Variants in RP1L1 observed in about 807,000 individuals in gnomAD.
The protein encoded by RP1L1 is RP1 like 1.
Under a neutral mutation model 15.7 loss-of-function variants are expected in RP1L1, and 27 were observed. The ratio of observed to expected loss-of-function variants is 1.72; its 90% CI spans 1.27 to 2.38. The LOEUF (loss-of-function observed/expected upper bound fraction) is 2.38, where lower values mean the gene tolerates loss of function less well. Among genes scored for constraint, RP1L1 ranks in the 30% most tolerant of loss-of-function variants. The pLI, the probability that RP1L1 is intolerant of heterozygous loss-of-function variation, is 0.00. For missense variants in RP1L1, 4,798 were observed against 3,075.9 expected (o/e 1.56, Z -13.24); for synonymous variants, 1,813 against 1,276.7 (o/e 1.42, Z -8.96).
intron 1 of RP1L1, among the ~76,000 whole-genome samples, chr8:10,652,267 A>C (rs1798573827): frequency 6.6e-6 from 1 of 152,240 alleles, no homozygotes; most frequent in African/African-American, 2.4e-5. Context: ...ATCAAGAAGC[A>C]GGGACTGTAA....
Position 10,606,770 on chromosome 8 carries a change from G to C in RP1L1, c.*125C>G. 6.6e-7 allele frequency: 1 copy of C among 1,514,316 alleles called. No individual in the cohort carries two copies. The allele number at this position is 1,514,316 out of a possible 1,614,324, so 93.8% of individuals were successfully genotyped here. ...ATGGCATGGGCTGTGTCCTTGGCAA[G>C]TCCTTGGTCTTTGTCCATGTACTAT... is the stretch of plus-strand genomic sequence containing the variant. On this transcript the variant is annotated 3_prime_UTR_variant, in exon 4 of 4. Coordinates refer to ENST00000382483, the MANE Select transcript of RP1L1 (RefSeq NM_178857.6).
In RP1L1 at chr8:10,610,823, G is replaced by A. The variant is rs1797833833; in HGVS notation, c.3275C>T (p.Ser1092Phe). The change falls in exon 4 of 4, where the codon TCC (serine) becomes TTC (phenylalanine). Residue 1092 changes from serine to phenylalanine, a missense_variant. Physicochemically the swap from Ser to Phe is radical, Grantham distance 155 (BLOSUM62 -2). Transcript: ENST00000382483. ...STQIMRALMG[S>F]KQGRPSSVPE... is the part of the protein sequence containing the mutation. The stretch of plus-strand genomic sequence containing the variant: ...CACGCTGCTGGGCCGGCCCTGCTTG[G>A]AGCCCATCAGCGCCCTCATGATCTG... 1 of 1,607,946 alleles carries A rather than the reference G, an allele frequency of 6.2e-7. No individual in the cohort carries two copies. The highest frequency in any genetic ancestry group is 8.5e-7 in the Non-Finnish European group (1 of 1,176,292).
At chr8:10,646,648 C>G (rs1177245128) in intron 1 of RP1L1, among the ~76,000 whole-genome samples, 1 of 152,060 alleles carries the variant, frequency 6.6e-6, no homozygotes, top group Non-Finnish European at 1.5e-5. Context: ...GCCAGCCCCT[C>G]TAAAGTCCAG....
In RP1L1 at chr8:10,610,104, G is replaced by A. The variant is rs1178045438; in HGVS notation, c.3994C>T (p.Gln1332Ter). Residue 1332 changes from glutamine to a stop codon, truncating the protein, a stop_gained, in exon 4 of 4, where the codon CAA (glutamine) becomes TAA (stop). Coordinates refer to ENST00000382483, the MANE Select transcript of RP1L1 (RefSeq NM_178857.6). LOFTEE classifies it low-confidence loss of function (END_TRUNC). ...LEETKTEEGL[Q>*]EEGVQLEETK... ...TCCTCTAACTGCACCCCCTCTTCTTGCAGCCCTTCTTCTGTTTTAGTTTCC... is the reference window on the plus strand; with the variant it reads ...TCCTCTAACTGCACCCCCTCTTCTTACAGCCCTTCTTCTGTTTTAGTTTCC... The A allele has an allele frequency of 6.1e-6, 9 of 1,475,280 alleles. 1 individual carries two copies. Among genetic ancestry groups the A allele is most frequent in the East Asian group, 3.1e-5 (1 of 32,682 alleles). The allele number at this position is 1,475,280 out of a possible 1,614,324, so 91.4% of individuals were successfully genotyped here. A position where few individuals can be genotyped will look rare whatever the true frequency, so the allele number is the denominator to read the frequency against.
rs1797900372 is a variant in RP1L1, at chr8:10,613,113, A to G, written c.985T>C (p.Phe329Leu). ...GSLSVEMKVR[F>L]HLVGEDTLLW... The stretch of plus-strand genomic sequence containing the variant: ...AGCGTGTCCTCGCCGACCAGGTGGA[A>G]GCGGACTTTCATCTCCACGGACAGG... The change falls in exon 4 of 4, where the codon TTC becomes CTC. Residue 329 changes from phenylalanine (F) to leucine (L), a missense_variant. Physicochemically the swap from Phe to Leu is conservative, Grantham distance 22 (BLOSUM62 0). Coordinates refer to ENST00000382483, the MANE Select transcript of RP1L1 (RefSeq NM_178857.6). 2 of 1,613,808 alleles carry G rather than the reference A, an allele frequency of 1.2e-6. No individual in the cohort carries two copies. Among genetic ancestry groups the G allele is most frequent in the Non-Finnish European group, 1.7e-6 (2 of 1,180,028 alleles).
intron 1 of RP1L1, among the ~76,000 whole-genome samples, chr8:10,642,254 C>CT (rs139076088): frequency 0.089 from 13,557 of 152,138 alleles, 1,859 homozygotes; most frequent in African/African-American, 0.3. Context: ...ATCTACTCTT[C>CT]TTTTTTTCTT....
chr8:10,634,203 T>C (rs1798296308), intron 1 of RP1L1, among the ~76,000 whole-genome samples: 1 of 152,230 alleles, frequency 6.6e-6, no homozygotes, highest in African/African-American at 2.4e-5. Flanking sequence ...GGCTCATCTC[T>C]GACACCACCC....
Position 10,608,470 on chromosome 8 carries a change from G to A in RP1L1, c.5628C>T (p.Ala1876=). 3.1e-6 allele frequency: 5 copies of A among 1,603,836 alleles called. No individual in the cohort carries two copies. Among genetic ancestry groups the A allele is most frequent in the South Asian group, 2.3e-5 (2 of 87,372 alleles). The part of the protein sequence containing the change: ...EAQPESEDVE[A]PEAEGEAQPE... ...GCTGGGCCTCTCCTTCTGCCTCTGG[G>A]GCCTCTACATCTTCTGACTCTGGCT... The change falls in exon 4 of 4, where the codon GCC becomes GCT. Residue 1876 remains alanine, a synonymous_variant. Transcript: ENST00000382483.
rs577460094 is a variant in RP1L1, at chr8:10,640,509, C to T, written c.-20+14389G>A. Among the ~76,000 whole-genome samples, 246 of 151,920 alleles carry T rather than the reference C, an allele frequency of 1.6e-3. 2 individuals are homozygous for T. The highest frequency in any genetic ancestry group is 5.5e-3 in the African/African-American group (228 of 41,428). ...CTCTACTAAAAATACAAAAATTAGC[C>T]GGGCATGGTGGTGGGTGCCTGTAAT... On this transcript the variant is annotated intron_variant, in intron 1 of 3. Coordinates refer to ENST00000382483, the MANE Select transcript of RP1L1 (RefSeq NM_178857.6).
chr8:10,651,252 GC>G (rs1220038893), intron 1 of RP1L1, among the ~76,000 whole-genome samples: 1 of 152,108 alleles, frequency 6.6e-6, no homozygotes, highest in African/African-American at 2.4e-5. Context: ...TGGGGGTGGA[GC>G]CCAGCAATCT....
At chr8:10,633,104 G>T (rs1436600350) in intron 1 of RP1L1, among the ~76,000 whole-genome samples, 1 of 152,204 alleles carries the variant, frequency 6.6e-6, no homozygotes, top group Non-Finnish European at 1.5e-5. Context: ...GTTCCCAGGA[G>T]ACGGCAGCAG....
intron 1 of RP1L1, among the ~76,000 whole-genome samples, chr8:10,625,971 G>T (rs991044852): frequency 3.3e-5 from 5 of 152,068 alleles, no homozygotes; most frequent in Non-Finnish European, 5.9e-5. Flanking sequence ...AGGAAGCAGG[G>T]AAGGAAAGCA....
rs370708396 is a variant in RP1L1, at chr8:10,612,291, C to T, written c.1807G>A (p.Gly603Arg). The change falls in exon 4 of 4, where the codon GGA (glycine) becomes AGA (arginine). Residue 603 changes from glycine to arginine, a missense_variant. Gly to Arg is a moderately radical substitution (Grantham distance 125). Coordinates refer to ENST00000382483, the MANE Select transcript of RP1L1 (RefSeq NM_178857.6). Reference sequence around the variant, plus strand: ...AGAGGCTCCCTTGTCACAGCCGCTCCCGTGGCCTGCTCGGTGCCCTGTCCT... The same window carrying T: ...AGAGGCTCCCTTGTCACAGCCGCTCTCGTGGCCTGCTCGGTGCCCTGTCCT... ...TQGQGTEQAT[G>R]AAVTREPLVL... 1.2e-5 allele frequency: 19 copies of T among 1,613,160 alleles called. No individual in the cohort carries two copies. In the African/African-American group the frequency reaches 1.3e-4, roughly 11 times the overall value.
At chr8:10,648,527 G>T (rs955700721) in intron 1 of RP1L1, among the ~76,000 whole-genome samples, 1 of 152,134 alleles carries the variant, frequency 6.6e-6, no homozygotes, top group Non-Finnish European at 1.5e-5. Context: ...GTGTGTTCCA[G>T]CACGGATCTG....
chr8:10,642,987 T>C (rs1004720576), intron 1 of RP1L1, among the ~76,000 whole-genome samples: 2 of 152,198 alleles, frequency 1.3e-5, no homozygotes, highest in African/African-American at 4.8e-5. Flanking sequence ...GATGTTTTCC[T>C]ATGGAATTAT....
intron 3 of RP1L1, among the ~76,000 whole-genome samples, chr8:10,616,191 G>A (rs1163515906): frequency 1.3e-5 from 2 of 152,102 alleles, no homozygotes; most frequent in Non-Finnish European, 2.9e-5. Context: ...TTACAGACAT[G>A]AGCCACCATG....
At chr8:10,623,454 C>T (rs73201163) in intron 1 of RP1L1, among the ~76,000 whole-genome samples, 19,319 of 152,090 alleles carry the variant, frequency 0.13, 1,346 homozygotes, top group Non-Finnish European at 0.16. Context: ...GAGTTTGAGG[C>T]TGTCCCCAGC....
intron 1 of RP1L1, among the ~76,000 whole-genome samples, chr8:10,625,611 G>A (rs1385248042): frequency 3.3e-5 from 5 of 152,114 alleles, no homozygotes; most frequent in Non-Finnish European, 7.4e-5. Flanking sequence ...CGATAAAGGC[G>A]CCCCCCAACC....
At chr8:10,631,082 G>T (rs1474902715) in intron 1 of RP1L1, among the ~76,000 whole-genome samples, 1 of 152,130 alleles carries the variant, frequency 6.6e-6, no homozygotes, top group Non-Finnish European at 1.5e-5. Context: ...ACAGTTGGGA[G>T]CCATGGTCGA....
Sources: allele counts gnomAD v4.1 joint callset (sites outside exome capture counted in the v4.1 genomes callset), GRCh38; gene constraint gnomAD v4.1.1; transcripts MANE v1.5; gene names NCBI Gene and HGNC (gene_info 2026-07-23, HGNC 2026-07-21).